ITGA10: variants seen among roughly 807,000 people sequenced by gnomAD.
ITGA10 encodes the protein integrin alpha-10.
In ITGA10, 105 loss-of-function variants were observed where a neutral mutation model predicts 145.2. The ratio of observed to expected loss-of-function variants is 0.72; its 90% CI spans 0.62 to 0.85. The LOEUF is 0.85. Among genes scored for constraint, ITGA10 ranks in the 40% least tolerant of loss-of-function variants. ITGA10 has a pLI of 0.00. For synonymous variants in ITGA10, 506 were observed against 557.8 expected, an observed-to-expected ratio of 0.91 and a Z score of 1.31; for missense variants, 1,317 against 1,444.5, an observed-to-expected ratio of 0.91 and a Z score of 1.43.
chr1:145,901,885 G>T lies in ITGA10; in HGVS notation c.1286C>A (p.Ala429Asp). ...EFPPALQNHA[A>D]YLGYSVSSML... is the part of the protein sequence containing the mutation. ...AACTCTCTGCTGCTCACCCAGGTAG[G>T]CTGCATGGTTCTGCAATGCAGGGGG... Residue 429 changes from alanine to aspartate, a missense_variant, in exon 11 of 30, where the codon GCC becomes GAC. By Grantham distance (126) the Ala-to-Asp change is moderately radical. Coordinates refer to ENST00000369304, the MANE Select transcript of ITGA10 (RefSeq NM_003637.5). This position sits in a 1 kb window ranked among gnomAD's most constrained non-coding sequence, Gnocchi z 4.3. 6.2e-7 allele frequency: 1 copy of T among 1,614,136 alleles called. No homozygotes were observed. Among genetic ancestry groups the T allele is most frequent in the Non-Finnish European group, 8.5e-7 (1 of 1,180,004 alleles).
chr1:145,897,721 T>A (rs1272713947), intron 19 of ITGA10, 68 bp from the exon 20 acceptor site: 23 of 1,612,152 alleles, frequency 1.4e-5, no homozygotes, highest in Non-Finnish European at 2.0e-5. Context: ...TCACTTTTGT[T>A]ATCATGGGTA....
At chr1:145,896,947 C>T in intron 22 of ITGA10, 64 bp downstream of exon 22, 1 of 1,540,814 alleles carries the variant, frequency 6.5e-7, no homozygotes, top group Non-Finnish European at 9.0e-7. Flanking sequence ...GTTGTTCCTC[C>T]CCACCCCTCC....
rs1553748065 is a variant in ITGA10 at position 145,900,994 on chromosome 1, C to T, written c.1588-1G>A. ...TTCCTTGGAGGGTCAGCAAGGACTGCTGGTGGAGGAGAGAAGATAGAAGAT... is the reference window on the plus strand; with the variant it reads ...TTCCTTGGAGGGTCAGCAAGGACTGTTGGTGGAGGAGAGAAGATAGAAGAT... On this transcript the variant is annotated splice_acceptor_variant, in intron 13 of 29. Coordinates refer to ENST00000369304, the MANE Select transcript of ITGA10 (RefSeq NM_003637.5). LOFTEE classifies it high-confidence loss of function. 1.7e-5 allele frequency: 27 copies of T among 1,613,982 alleles called. No individual in the cohort carries two copies. Among genetic ancestry groups the T allele is most frequent in the Non-Finnish European group, 2.3e-5 (27 of 1,180,020 alleles).
chr1:145,907,992 G>T (rs1038495246), intron 1 of ITGA10, among the ~76,000 whole-genome samples: 1 of 151,590 alleles, frequency 6.6e-6, no homozygotes, highest in Non-Finnish European at 1.5e-5. Flanking sequence ...GGATGGTCTC[G>T]ATCTCCTGAC....
Position 145,897,228 on chromosome 1 carries a change from A to G in ITGA10, c.2667+19T>C, listed in dbSNP as rs781872933. ...TCTGCCCTCCTAGAGCCCTCTTTTCATCCTAGACCCCAACCCACCTTGGCT... is the reference window on the plus strand; with the variant it reads ...TCTGCCCTCCTAGAGCCCTCTTTTCGTCCTAGACCCCAACCCACCTTGGCT... On this transcript the variant is annotated intron_variant, in intron 21 of 29. Coordinates refer to ENST00000369304, the MANE Select transcript of ITGA10 (RefSeq NM_003637.5). 2 of 1,612,800 alleles carry G rather than the reference A, an allele frequency of 1.2e-6. No homozygotes were observed. The highest frequency in any genetic ancestry group is 4.5e-5 in the East Asian group (2 of 44,846).
At chr1:145,898,841 G>T in intron 17 of ITGA10, 95 bp downstream of exon 17, 2 of 1,436,272 alleles carry the variant, frequency 1.4e-6, no homozygotes, top group Non-Finnish European at 1.9e-6. Flanking sequence ...TCCCGGCTTT[G>T]GCTTTCTTGC....
At position 145,896,397 on chromosome 1, in the gene ITGA10, A is replaced by T. The variant is rs1341002112; in HGVS notation, c.2835-45T>A. On this transcript the variant is annotated intron_variant, in intron 23 of 29. Coordinates refer to ENST00000369304, the MANE Select transcript of ITGA10 (RefSeq NM_003637.5). ...GGAAGTACATGGTCACAGCCATAAC[A>T]CAGACACAGGGGCACATGATCAGCA... 3.5e-6 allele frequency: 5 copies of T among 1,440,668 alleles called. No individual in the cohort carries two copies. The Admixed American group carries it at 8.4e-5, about 24-fold the overall frequency. 89.2% of individuals were successfully genotyped at this position (1,440,668 alleles called of 1,614,324 possible). A position where few individuals can be genotyped will look rare whatever the true frequency, so the allele number is the denominator to read the frequency against.
chr1:145,906,972 A>C, intron 3 of ITGA10, 69 bp downstream of exon 3: 1 of 1,228,542 alleles, frequency 8.1e-7, no homozygotes, highest in Non-Finnish European at 1.2e-6. Context: ...AAGCTGAGGT[A>C]TAGGGAGTTG....
intron 6 of ITGA10, 66 bp from the exon 7 acceptor site, chr1:145,904,266 A>G (rs1656797041): frequency 2.0e-6 from 3 of 1,488,090 alleles, no homozygotes. Context: ...GGAAGAAGAA[A>G]GTATATAAGA....
intron 14 of ITGA10, among the ~76,000 whole-genome samples, 184 bp from the exon 15 acceptor site, chr1:145,900,371 G>A (rs918820854): frequency 6.6e-6 from 1 of 152,100 alleles, no homozygotes; most frequent in Admixed American, 6.5e-5. Context: ...AGGTTCAAGC[G>A]ATTCTCCTGC....
rs1553749360 is a variant in ITGA10 at position 145,902,605 on chromosome 1, G to A, written c.924C>T (p.Tyr308=). The change falls in exon 9 of 30, where the codon TAC becomes TAT. Residue 308 remains tyrosine (Y), a synonymous_variant. Coordinates refer to ENST00000369304, the MANE Select transcript of ITGA10 (RefSeq NM_003637.5). The part of the protein sequence containing the change: ...TRYGIAVLGH[Y]LRRQRDPSSF... ...AGCTGGGATCTCGCTGCCGCCGGAG[G>A]TAGTGACCAAGGACCTAAGAGGTCA... The A allele has an allele frequency of 1.2e-6, 2 of 1,605,732 alleles. No homozygotes were observed. The highest frequency in any genetic ancestry group is 1.3e-5 in the African/African-American group (1 of 74,904).
intron 5 of ITGA10, 54 bp from the exon 6 acceptor site, chr1:145,904,865 G>A: frequency 3.2e-6 from 5 of 1,586,144 alleles, no homozygotes; most frequent in Non-Finnish European, 4.3e-6. Context: ...GGCAACAAGG[G>A]AAAGAGGTCA....
rs147380844 is a variant in ITGA10 at position 145,901,936 on chromosome 1, G to T, written c.1235C>A (p.Pro412Gln). 26 of 1,613,392 alleles carry T rather than the reference G, an allele frequency of 1.6e-5. No individual in the cohort carries two copies. The highest frequency in any genetic ancestry group is 6.6e-5 in the South Asian group (6 of 91,068). The change falls in exon 11 of 30, where the codon CCA (proline) becomes CAA (glutamine). Residue 412 changes from proline to glutamine, a missense_variant. Transcript: ENST00000369304. This position sits in a 1 kb window ranked among gnomAD's most constrained non-coding sequence, Gnocchi z 4.3. ...WLEGGHRLFPPRMALEDEFPP... is the reference protein window; with the variant it reads ...WLEGGHRLFPQRMALEDEFPP... ...GAACTCGTCTTCCAGTGCCATTCGT[G>T]GGGGGAAAAGGCGGTGGCCTCCTTC...
chr1:145,896,722 A>T, intron 23 of ITGA10, 47 bp downstream of exon 23: 2 of 1,435,104 alleles, frequency 1.4e-6, no homozygotes, highest in Non-Finnish European at 2.0e-6. Flanking sequence ...GCATAAGGGT[A>T]TGAGTCTGAG....
intron 5 of ITGA10, among the ~76,000 whole-genome samples, chr1:145,905,067 C>A (rs1656937008): frequency 6.6e-6 from 1 of 151,782 alleles, no homozygotes; most frequent in African/African-American, 2.4e-5. Flanking sequence ...TAAACACACA[C>A]ACCTACACAT....
intron 27 of ITGA10, among the ~76,000 whole-genome samples, chr1:145,894,205 G>A (rs1655079023): frequency 6.7e-6 from 1 of 149,786 alleles, no homozygotes; most frequent in African/African-American, 2.5e-5. Context: ...TCCATCTCTC[G>A]GGTTAATGCC....
chr1:145,896,241 C>T (rs1553745017), intron 24 of ITGA10, 27 bp downstream of exon 24: 1 of 1,582,148 alleles, frequency 6.3e-7, no homozygotes, highest in African/African-American at 1.3e-5. Context: ...ACATTCTCCT[C>T]ATGCCAAGAC....
At chr1:145,895,602 C>T (rs1553744645) in intron 26 of ITGA10, 29 bp downstream of exon 26, 2 of 1,607,982 alleles carry the variant, frequency 1.2e-6, no homozygotes, top group South Asian at 2.2e-5. Flanking sequence ...CTTGCATTCC[C>T]ACTCTGGACA....
chr1:145,904,534 A>ATTTT, intron 6 of ITGA10, 150 bp downstream of exon 6: 2 of 752,892 alleles, frequency 2.7e-6, no homozygotes, highest in South Asian at 2.0e-5. Flanking sequence ...ATGCCTGGCT[A>ATTTT]TTTTTTTTTT....
Sources: allele counts gnomAD v4.1 joint callset (sites outside exome capture counted in the v4.1 genomes callset), GRCh38; gene constraint gnomAD v4.1.1; non-coding constraint Gnocchi (gnomAD v3.1); transcripts MANE v1.5; gene names NCBI Gene and HGNC (gene_info 2026-07-23, HGNC 2026-07-21).